The following OR5H1 variants were observed in gnomAD, a reference collection of about 807,000 sequenced individuals.
OR5H1 encodes olfactory receptor family 5 subfamily H member 1, also known as olfactory receptor 5H1.
For missense variants in OR5H1, 378 were observed against 366.8 expected, an observed-to-expected ratio of 1.03 and a Z score of -0.25; for synonymous variants, 124 against 134.4, an observed-to-expected ratio of 0.92 and a Z score of 0.54.
chr3:98,135,920 G>GC lies in OR5H1; in HGVS notation c.*2281_*2282insC, dbSNP rs961931664. 6.6e-6 allele frequency: 1 copy of GC among 152,192 alleles called. No homozygotes were observed. Among genetic ancestry groups the GC allele is most frequent in the Non-Finnish European group, 1.5e-5 (1 of 68,024 alleles). 9.4% of individuals were successfully genotyped at this position (152,192 alleles called of 1,614,324 possible). A position where few individuals can be genotyped will look rare whatever the true frequency, so the allele number is the denominator to read the frequency against. Reference sequence around the variant, plus strand: ...GCAGTTGCAGTCTGATAATTTTTCTGTTTTTTAGTCTGAATGTCTTTTGTC... The same window carrying GC: ...GCAGTTGCAGTCTGATAATTTTTCTGCTTTTTTAGTCTGAATGTCTTTTGTC... On this transcript the variant is annotated 3_prime_UTR_variant, in exon 2 of 2. Coordinates refer to ENST00000641874, the MANE Select transcript of OR5H1 (RefSeq NM_001005338.2).
At position 98,136,453 on chromosome 3, in the gene OR5H1, A is replaced by G. The variant is rs1049016191; in HGVS notation, c.*2814A>G. On this transcript the variant is annotated 3_prime_UTR_variant, in exon 2 of 2. Transcript: ENST00000641874. ...CTGTACTCAAAAAGGTCCTAAAAGT[A>G]TATTTCAGTTCCTGGGCCTTCCAGA... The G allele has an allele frequency of 2.0e-5, 3 of 152,212 alleles. No homozygotes were observed. The highest frequency in any genetic ancestry group is 4.4e-5 in the Non-Finnish European group (3 of 68,046). 9.4% of individuals were successfully genotyped at this position (152,212 alleles called of 1,614,324 possible).
chr3:98,132,508 T>C lies in OR5H1; in HGVS notation c.-18-172T>C, dbSNP rs77278992. ...TACTGCACAGTTTCAAACCAAAATA[T>C]ATCATTTTTTCATGTCTTTATTGCA... is the stretch of plus-strand genomic sequence containing the variant. On this transcript the variant is annotated intron_variant, in intron 1 of 1. Transcript: ENST00000641874. Among the ~76,000 whole-genome samples the C allele has an allele frequency of 9.9e-3, 1,504 of 152,130 alleles. 21 individuals are homozygous for C. Among genetic ancestry groups the C allele is most frequent in the African/African-American group, 0.032 (1,320 of 41,544 alleles).
Position 98,136,756 on chromosome 3 carries a change from CCACT to C in OR5H1, c.*3119_*3122del, listed in dbSNP as rs1273341624. 6.6e-6 allele frequency: 1 copy of C among 152,144 alleles called. No homozygotes were observed. The highest frequency in any genetic ancestry group is 2.4e-5 in the African/African-American group (1 of 41,416). The allele number at this position is 152,144 out of a possible 1,614,324, so 9.4% of individuals were successfully genotyped here. A position where few individuals can be genotyped will look rare whatever the true frequency, so the allele number is the denominator to read the frequency against. Reference sequence around the variant, plus strand: ...CTGGTTGATAAAAGAGCCCAGCACTCCACTCTCTCTCTTTCCTTTCCTCTCTCAC... The same window carrying C: ...CTGGTTGATAAAAGAGCCCAGCACTCCTCTCTCTTTCCTTTCCTCTCTCAC... On this transcript the variant is annotated 3_prime_UTR_variant, in exon 2 of 2. Coordinates refer to ENST00000641874, the MANE Select transcript of OR5H1 (RefSeq NM_001005338.2).
rs779446848 is a variant in OR5H1, at chr3:98,133,006, G to A, written c.309G>A (p.Ser103=). ...SLSECKIQFF[S]FAISVTTECF... ...CTGAATGCAAGATACAGTTTTTTTCGTTTGCAATCAGTGTAACCACGGAAT... is the reference window on the plus strand; with the variant it reads ...CTGAATGCAAGATACAGTTTTTTTCATTTGCAATCAGTGTAACCACGGAAT... Residue 103 remains serine (S), a synonymous_variant, in exon 2 of 2, where the codon TCG becomes TCA. Coordinates refer to ENST00000641874, the MANE Select transcript of OR5H1 (RefSeq NM_001005338.2). The A allele has an allele frequency of 1.4e-5, 22 of 1,613,332 alleles. No homozygotes were observed. The highest frequency in any genetic ancestry group is 1.7e-4 in the Middle Eastern group (1 of 6,056).
rs762942988 is a variant in OR5H1, at chr3:98,133,688, G to A, written c.*49G>A. ...TAGTCACAAAATTATGCAAGTTAGA[G>A]GTACCTATGTTGTTTCCAGTGTTCA... On this transcript the variant is annotated 3_prime_UTR_variant, in exon 2 of 2. Transcript: ENST00000641874. 15 of 1,455,840 alleles carry A rather than the reference G, an allele frequency of 1.0e-5. No homozygotes were observed. In the Admixed American group the frequency reaches 2.5e-4, roughly 24 times the overall value. The allele number at this position is 1,455,840 out of a possible 1,614,324, so 90.2% of individuals were successfully genotyped here.
chr3:98,137,175 C>T lies in OR5H1; in HGVS notation c.*3536C>T, dbSNP rs1406318097. On this transcript the variant is annotated 3_prime_UTR_variant, in exon 2 of 2. Transcript: ENST00000641874. ...ATATTGCAATCAAAATAAAAATGCT[C>T]AATGATGATTTCTGAATTCTGGAGA... 6.6e-6 allele frequency: 1 copy of T among 152,102 alleles called. No homozygotes were observed. Among genetic ancestry groups the T allele is most frequent in the Non-Finnish European group, 1.5e-5 (1 of 68,016 alleles). The allele number at this position is 152,102 out of a possible 1,614,324, so 9.4% of individuals were successfully genotyped here. A position where few individuals can be genotyped will look rare whatever the true frequency, so the allele number is the denominator to read the frequency against.
chr3:98,133,785 A>G lies in OR5H1; in HGVS notation c.*146A>G, dbSNP rs1384550844. 1 of 636,974 alleles carries G rather than the reference A, an allele frequency of 1.6e-6. No individual in the cohort carries two copies. The highest frequency in any genetic ancestry group is 2.8e-5 in the East Asian group (1 of 36,352). The allele number at this position is 636,974 out of a possible 1,614,324, so 39.5% of individuals were successfully genotyped here. ...TTTTAGTACCTAATAAACTAATCGC[A>G]ATATGTCTATATGTTATTCAAAAGC... is the stretch of plus-strand genomic sequence containing the variant. On this transcript the variant is annotated 3_prime_UTR_variant, in exon 2 of 2. Coordinates refer to ENST00000641874, the MANE Select transcript of OR5H1 (RefSeq NM_001005338.2).
chr3:98,137,263 A>G lies in OR5H1; in HGVS notation c.*3624A>G, dbSNP rs553839761. ...GTTTACAAAAGGTATACTTGGCCAG[A>G]TTGTTTGCAAAGTTTCTTTAATTCT... On this transcript the variant is annotated 3_prime_UTR_variant, in exon 2 of 2. Coordinates refer to ENST00000641874, the MANE Select transcript of OR5H1 (RefSeq NM_001005338.2). The G allele has an allele frequency of 6.6e-6, 1 of 152,290 alleles. No homozygotes were observed. The highest frequency in any genetic ancestry group is 2.1e-4 in the South Asian group (1 of 4,832). The allele number at this position is 152,290 out of a possible 1,614,324, so 9.4% of individuals were successfully genotyped here.
At chr3:98,131,616 G>A (rs1307341796) in intron 1 of OR5H1, among the ~76,000 whole-genome samples, 2 of 151,960 alleles carry the variant, frequency 1.3e-5, no homozygotes, top group Non-Finnish European at 2.9e-5. Context: ...ACTTGCTCAA[G>A]TTGATTTTCT....
chr3:98,135,444 A>T lies in OR5H1; in HGVS notation c.*1805A>T, dbSNP rs1356853186. On this transcript the variant is annotated 3_prime_UTR_variant, in exon 2 of 2. Transcript: ENST00000641874. ...TTTAACTCATTATGGTCAGCCTCTC[A>T]TTATGGGATATTGACTAAAACTCAG... is the stretch of plus-strand genomic sequence containing the variant. 6.6e-6 allele frequency: 1 copy of T among 152,178 alleles called. No individual in the cohort carries two copies. Among genetic ancestry groups the T allele is most frequent in the Admixed American group, 6.5e-5 (1 of 15,272 alleles). 9.4% of individuals were successfully genotyped at this position (152,178 alleles called of 1,614,324 possible). A position where few individuals can be genotyped will look rare whatever the true frequency, so the allele number is the denominator to read the frequency against.
rs1280708786 is a variant in OR5H1, at chr3:98,137,955, C to T, written c.*4316C>T. ...TAAGACATTAGACACAGCCAGTCAT[C>T]GTTTCAAATTACTTTCTTGTTAACT... On this transcript the variant is annotated 3_prime_UTR_variant, in exon 2 of 2. Coordinates refer to ENST00000641874, the MANE Select transcript of OR5H1 (RefSeq NM_001005338.2). The T allele has an allele frequency of 6.6e-6, 1 of 152,060 alleles. No homozygotes were observed. Among genetic ancestry groups the T allele is most frequent in the Non-Finnish European group, 1.5e-5 (1 of 67,990 alleles). The allele number at this position is 152,060 out of a possible 1,614,324, so 9.4% of individuals were successfully genotyped here. A position where few individuals can be genotyped will look rare whatever the true frequency, so the allele number is the denominator to read the frequency against.
chr3:98,132,810 C>T lies in OR5H1; in HGVS notation c.113C>T (p.Thr38Ile), dbSNP rs146104026. Residue 38 changes from threonine to isoleucine, a missense_variant, in exon 2 of 2, where the codon ACC (threonine) becomes ATC (isoleucine). By Grantham distance (89) the Thr-to-Ile change is moderately conservative. Transcript: ENST00000641874. ...GCATTCTTGGTAATATATCTCATCA[C>T]CATCATGGGGAATCTTGGTCTGATT... ...FLAFLVIYLITIMGNLGLIAV... is the reference protein window; with the variant it reads ...FLAFLVIYLIIIMGNLGLIAV... 4.9e-4 allele frequency: 790 copies of T among 1,613,532 alleles called. 1 individual carries two copies. Among genetic ancestry groups the T allele is most frequent in the Middle Eastern group, 1.5e-3 (9 of 6,052 alleles).
Position 98,135,200 on chromosome 3 carries a change from A to G in OR5H1, c.*1561A>G, listed in dbSNP as rs544701053. 3.3e-5 allele frequency: 5 copies of G among 152,152 alleles called. No individual in the cohort carries two copies. In the East Asian group the frequency reaches 7.7e-4, roughly 23 times the overall value. 9.4% of individuals were successfully genotyped at this position (152,152 alleles called of 1,614,324 possible). On this transcript the variant is annotated 3_prime_UTR_variant, in exon 2 of 2. Transcript: ENST00000641874. The stretch of plus-strand genomic sequence containing the variant: ...TAAAGGCTTTTACAGGGCAAATGTG[A>G]AAGTATGGCAAAAGTAAAGATTGTA...
In OR5H1 at chr3:98,133,514, G is replaced by A. The variant is rs758159596; in HGVS notation, c.817G>A (p.Val273Met). The change falls in exon 2 of 2, where the codon GTG becomes ATG. Residue 273 changes from valine to methionine, a missense_variant. Val to Met is a conservative substitution (Grantham distance 21). Coordinates refer to ENST00000641874, the MANE Select transcript of OR5H1 (RefSeq NM_001005338.2). ...TCCGCAAGCAGATGATCAAGATATG[G>A]TGGAGCCTCTATTCTACACTGTCAT... Reference protein sequence around the residue: ...ASPQADDQDMVEPLFYTVIIP... With the variant: ...ASPQADDQDMMEPLFYTVIIP... The A allele has an allele frequency of 5.0e-6, 8 of 1,613,210 alleles. No homozygotes were observed. The highest frequency in any genetic ancestry group is 6.8e-6 in the Non-Finnish European group (8 of 1,179,514).
chr3:98,132,566 C>A (rs1708267650), intron 1 of OR5H1, 114 bp from the exon 2 acceptor site: 3 of 1,189,140 alleles, frequency 2.5e-6, no homozygotes, highest in Non-Finnish European at 1.2e-6. Flanking sequence ...TAGGACTGAT[C>A]AAAAAATTGA....
chr3:98,137,627 A>G lies in OR5H1; in HGVS notation c.*3988A>G, dbSNP rs1236976081. ...AACACAAATATGAACACAAAAGTGA[A>G]CCCAAATATCTTTGTTTCTTCTGTA... On this transcript the variant is annotated 3_prime_UTR_variant, in exon 2 of 2. Coordinates refer to ENST00000641874, the MANE Select transcript of OR5H1 (RefSeq NM_001005338.2). 1.3e-5 allele frequency: 2 copies of G among 152,206 alleles called. No homozygotes were observed. The highest frequency in any genetic ancestry group is 4.8e-5 in the African/African-American group (2 of 41,450). The allele number at this position is 152,206 out of a possible 1,614,324, so 9.4% of individuals were successfully genotyped here. A position where few individuals can be genotyped will look rare whatever the true frequency, so the allele number is the denominator to read the frequency against.
Position 98,135,594 on chromosome 3 carries a change from C to T in OR5H1, c.*1955C>T, listed in dbSNP as rs1293928359. 2 of 152,010 alleles carry T rather than the reference C, an allele frequency of 1.3e-5. No homozygotes were observed. Among genetic ancestry groups the T allele is most frequent in the Admixed American group, 6.6e-5 (1 of 15,232 alleles). The allele number at this position is 152,010 out of a possible 1,614,324, so 9.4% of individuals were successfully genotyped here. Reference sequence around the variant, plus strand: ...TTATGGACACTTCGTTTTTGTTATTCTAATCATAGTGAGAAAATCTGGCAC... The same window carrying T: ...TTATGGACACTTCGTTTTTGTTATTTTAATCATAGTGAGAAAATCTGGCAC... On this transcript the variant is annotated 3_prime_UTR_variant, in exon 2 of 2. Transcript: ENST00000641874.
At position 98,134,464 on chromosome 3, in the gene OR5H1, T is replaced by C. The variant is rs1708297387; in HGVS notation, c.*825T>C. The stretch of plus-strand genomic sequence containing the variant: ...TGTTTTTATGATGAAGCTACCAAGA[T>C]GTGTAAAAATCAATAATATTGCAAG... On this transcript the variant is annotated 3_prime_UTR_variant, in exon 2 of 2. Coordinates refer to ENST00000641874, the MANE Select transcript of OR5H1 (RefSeq NM_001005338.2). 6.6e-6 allele frequency: 1 copy of C among 152,084 alleles called. No homozygotes were observed. The highest frequency in any genetic ancestry group is 1.5e-5 in the Non-Finnish European group (1 of 67,984). 9.4% of individuals were successfully genotyped at this position (152,084 alleles called of 1,614,324 possible). A position where few individuals can be genotyped will look rare whatever the true frequency, so the allele number is the denominator to read the frequency against.
chr3:98,135,211 A>G lies in OR5H1; in HGVS notation c.*1572A>G, dbSNP rs1164288628. The G allele has an allele frequency of 2.6e-5, 4 of 152,142 alleles. No homozygotes were observed. Among genetic ancestry groups the G allele is most frequent in the African/African-American group, 9.6e-5 (4 of 41,454 alleles). 9.4% of individuals were successfully genotyped at this position (152,142 alleles called of 1,614,324 possible). On this transcript the variant is annotated 3_prime_UTR_variant, in exon 2 of 2. Coordinates refer to ENST00000641874, the MANE Select transcript of OR5H1 (RefSeq NM_001005338.2). ...ACAGGGCAAATGTGAAAGTATGGCAAAAGTAAAGATTGTATTGGTTAAAGT... is the reference window on the plus strand; with the variant it reads ...ACAGGGCAAATGTGAAAGTATGGCAGAAGTAAAGATTGTATTGGTTAAAGT...
Sources: allele counts gnomAD v4.1 joint callset (sites outside exome capture counted in the v4.1 genomes callset), GRCh38; gene constraint gnomAD v4.1.1; transcripts MANE v1.5; gene names NCBI Gene and HGNC (gene_info 2026-07-23, HGNC 2026-07-21).